ZBP1: variants seen among roughly 807,000 people sequenced by gnomAD.
The protein encoded by ZBP1 is Z-DNA binding protein 1, also known as Z-DNA-binding protein 1.
ZBP1 carries 42 observed loss-of-function variants against 41.1 expected under a neutral mutation model. The observed-to-expected ratio is 1.02, with a 90% CI of 0.80 to 1.32. ZBP1 has a LOEUF of 1.32. Among genes scored for constraint, ZBP1 ranks in the 40% most tolerant of loss-of-function variants. The pLI, the probability that ZBP1 is intolerant of heterozygous loss-of-function variation, is 0.00. For missense variants in ZBP1, 562 were observed against 549.7 expected, an observed-to-expected ratio of 1.02 and a Z score of -0.22; for synonymous variants, 214 against 205.2, an observed-to-expected ratio of 1.04 and a Z score of -0.37.
intron 7 of ZBP1, among the ~76,000 whole-genome samples, chr20:57,609,265 G>C (rs6092500): frequency 0.24 from 36,530 of 152,136 alleles, 5,328 homozygotes; most frequent in African/African-American, 0.41. Flanking sequence ...GCTCCCTTCT[G>C]CAGAGTTGGA....
chr20:57,610,498 C>T lies in ZBP1; in HGVS notation c.875-131G>A, dbSNP rs2070631993. On this transcript the variant is annotated intron_variant, in intron 6 of 7. Transcript: ENST00000371173. This position sits in a 1 kb window ranked among gnomAD's most constrained non-coding sequence, Gnocchi z 5.5. ...GGCCCACACCATCCCAGGAGCACAG[C>T]CTGTGCCTGCCCGCCACACCTCCAC... 2.3e-6 allele frequency: 2 copies of T among 874,790 alleles called. No homozygotes were observed. The highest frequency in any genetic ancestry group is 3.4e-4 in the Middle Eastern group (1 of 2,912). The allele number at this position is 874,790 out of a possible 1,614,324, so 54.2% of individuals were successfully genotyped here. A position where few individuals can be genotyped will look rare whatever the true frequency, so the allele number is the denominator to read the frequency against.
intron 3 of ZBP1, chr20:57,615,261 G>A (rs546695971): frequency 3.3e-4 from 231 of 692,096 alleles, no homozygotes; most frequent in African/African-American, 2.6e-3. Flanking sequence ...AGTGCTCTGC[G>A]CTGGGCCTGG....
intron 7 of ZBP1, among the ~76,000 whole-genome samples, chr20:57,606,370 G>A (rs1253841265): frequency 6.6e-6 from 1 of 152,242 alleles, no homozygotes; most frequent in Non-Finnish European, 1.5e-5. Flanking sequence ...GGTTCATGAG[G>A]TTTAAGGAAA....
Position 57,611,923 on chromosome 20 carries a change from G to A in ZBP1, c.678C>T (p.Ala226=), listed in dbSNP as rs113429823. Residue 226 remains alanine, a synonymous_variant, in exon 6 of 8, where the codon GCC becomes GCT. Transcript: ENST00000371173. The stretch of plus-strand genomic sequence containing the variant: ...CCATTGAAGGGAGGTGGCGTGGACC[G>A]GCGGAACCTGGCAGGGGACAGTGGC... The part of the protein sequence containing the change: ...RQTVSREDGS[A]GPRHLPSMAP... 5.9e-4 allele frequency: 922 copies of A among 1,555,606 alleles called. No individual in the cohort carries two copies. The highest frequency in any genetic ancestry group is 2.3e-3 in the African/African-American group (170 of 73,526).
chr20:57,614,935 G>A lies in ZBP1; in HGVS notation c.454C>T (p.Leu152Phe). ...TTGGACTGCTCATCCATGTCCAGAA[G>A]GTGCCTGCTCTTCATCCTGTACAAG... ...RDLYRMKSRH[L>F]LDMDEQSKAW... Residue 152 changes from leucine (L) to phenylalanine (F), a missense_variant, in exon 4 of 8, where the codon CTT becomes TTT. Coordinates refer to ENST00000371173, the MANE Select transcript of ZBP1 (RefSeq NM_030776.3). 1.9e-6 allele frequency: 3 copies of A among 1,614,214 alleles called. No homozygotes were observed. The highest frequency in any genetic ancestry group is 2.5e-6 in the Non-Finnish European group (3 of 1,180,042).
chr20:57,616,618 C>G (rs2070840655), intron 1 of ZBP1, 150 bp from the exon 2 acceptor site: 1 of 723,054 alleles, frequency 1.4e-6, no homozygotes, highest in Non-Finnish European at 2.3e-6. Flanking sequence ...CAGATGCCCC[C>G]TAAGAGCAGT....
rs372354711 is a variant in ZBP1, at chr20:57,610,327, T to G, written c.915A>C (p.Ala305=). 1 of 1,614,036 alleles carries G rather than the reference T, an allele frequency of 6.2e-7. No individual in the cohort carries two copies. The highest frequency in any genetic ancestry group is 8.5e-7 in the Non-Finnish European group (1 of 1,180,028). The change falls in exon 7 of 8, where the codon GCA becomes GCC. Residue 305 remains alanine (A), a synonymous_variant. Transcript: ENST00000371173. This position sits in a 1 kb window ranked among gnomAD's most constrained non-coding sequence, Gnocchi z 5.5. ...TAAGPEASFE[A]RIPSPGTHPE... ...GGTGAGTTCCTGGACTGGGAATTCTTGCTTCAAACGAAGCTTCTGGGCCGG... is the reference window on the plus strand; with the variant it reads ...GGTGAGTTCCTGGACTGGGAATTCTGGCTTCAAACGAAGCTTCTGGGCCGG...
rs535139746 is a variant in ZBP1, at chr20:57,614,467, G to A, written c.502+420C>T. ...TGGCCCTGTGTGTGTTAGGTCTCAC[G>A]GGGAAGCTGACCCTGCGCTGACCCT... is the stretch of plus-strand genomic sequence containing the variant. On this transcript the variant is annotated intron_variant, in intron 4 of 7. Coordinates refer to ENST00000371173, the MANE Select transcript of ZBP1 (RefSeq NM_030776.3). Among the ~76,000 whole-genome samples the A allele has an allele frequency of 2.0e-3, 299 of 152,204 alleles. 1 individual carries two copies. The highest frequency in any genetic ancestry group is 3.7e-3 in the Non-Finnish European group (251 of 68,018).
intron 2 of ZBP1, chr20:57,615,835 G>T (rs1451316220): frequency 1.1e-5 from 6 of 544,760 alleles, no homozygotes; most frequent in Non-Finnish European, 1.9e-5. Context: ...CCCCAAAACA[G>T]TGCCTGGCTA....
chr20:57,612,780 C>A, intron 5 of ZBP1: 1 of 519,114 alleles, frequency 1.9e-6, no homozygotes, highest in South Asian at 4.6e-5. Context: ...ACAATAACCT[C>A]CCCTGTAGCA....
chr20:57,615,154 T>C (rs1311194044), intron 3 of ZBP1, 94 bp from the exon 4 acceptor site: 4 of 1,378,178 alleles, frequency 2.9e-6, no homozygotes, highest in Non-Finnish European at 4.0e-6. Context: ...ACCCAGCCCC[T>C]CAAGGCCTGG....
chr20:57,614,291 A>G (rs2070757183), intron 4 of ZBP1, among the ~76,000 whole-genome samples: 1 of 152,164 alleles, frequency 6.6e-6, no homozygotes, highest in Non-Finnish European at 1.5e-5. Flanking sequence ...TCAGCCTCCC[A>G]AAGTGCTAGG....
Position 57,610,399 on chromosome 20 carries a change from A to C in ZBP1, c.875-32T>G, listed in dbSNP as rs750559698. ...GTCAAAGGGAGAGAGGCCTGGAGCC[A>C]GGAGCAGCTGGACAGTGGCCGGGAA... On this transcript the variant is annotated intron_variant, in intron 6 of 7. Transcript: ENST00000371173. This position sits in a 1 kb window ranked among gnomAD's most constrained non-coding sequence, Gnocchi z 5.5. The C allele has an allele frequency of 6.2e-7, 1 of 1,611,720 alleles. No individual in the cohort carries two copies.
intron 7 of ZBP1, chr20:57,606,989 G>T (rs1256208646): frequency 4.9e-6 from 6 of 1,213,708 alleles, no homozygotes; most frequent in Admixed American, 3.3e-5. Context: ...AATTAACATT[G>T]TTTTCATGCC....
In ZBP1 at chr20:57,611,829, G is replaced by A. The variant is rs1204752372; in HGVS notation, c.772C>T (p.Gln258Ter). 17 of 1,605,556 alleles carry A rather than the reference G, an allele frequency of 1.1e-5. No individual in the cohort carries two copies. The highest frequency in any genetic ancestry group is 1.7e-4 in the Middle Eastern group (1 of 6,054). The change falls in exon 6 of 8, where the codon CAG becomes TAG. Residue 258 changes from glutamine to a stop codon, truncating the protein, a stop_gained. Coordinates refer to ENST00000371173, the MANE Select transcript of ZBP1 (RefSeq NM_030776.3). LOFTEE classifies it high-confidence loss of function. ...PWGPQDIHME[Q>*]SILRRVQLGH... Reference sequence around the variant, plus strand: ...AGCTGCACCCGTCTCAGTATGGACTGCTCCATGTGGATGTCCTGGGGCCCC... The same window carrying A: ...AGCTGCACCCGTCTCAGTATGGACTACTCCATGTGGATGTCCTGGGGCCCC...
At position 57,614,998 on chromosome 20, in the gene ZBP1, C is replaced by T; in HGVS notation, c.391G>A (p.Ala131Thr). Residue 131 changes from alanine to threonine, a missense_variant, in exon 4 of 8, where the codon GCA becomes ACA. Physicochemically the swap from Ala to Thr is moderately conservative, Grantham distance 58. Coordinates refer to ENST00000371173, the MANE Select transcript of ZBP1 (RefSeq NM_030776.3). ...TCTTTTGCTGTCCTCATTCCCAGTG[C>T]TTGGGCGATGACCAGGGCCCTCTGG... ...GPQRALVIAQALGMRTAKDVN... is the reference protein window; with the variant it reads ...GPQRALVIAQTLGMRTAKDVN... 1 of 1,614,224 alleles carries T rather than the reference C, an allele frequency of 6.2e-7. No individual in the cohort carries two copies. The highest frequency in any genetic ancestry group is 8.5e-7 in the Non-Finnish European group (1 of 1,180,036).
chr20:57,612,469 G>A (rs1230298996), intron 5 of ZBP1, among the ~76,000 whole-genome samples: 2 of 152,220 alleles, frequency 1.3e-5, no homozygotes, highest in African/African-American at 4.8e-5. Flanking sequence ...GGGAAACCAT[G>A]ATCTAGATTC....
chr20:57,607,175 C>T (rs746135859), intron 7 of ZBP1: 1 of 1,304,148 alleles, frequency 7.7e-7, no homozygotes, highest in Non-Finnish European at 1.0e-6. Context: ...AATCTACATG[C>T]CGTTAAGAAC....
At chr20:57,615,353 AG>A (rs2070790624) in intron 3 of ZBP1, among the ~76,000 whole-genome samples, 158 bp downstream of exon 3, 1 of 152,038 alleles carries the variant, frequency 6.6e-6, no homozygotes, top group Non-Finnish European at 1.5e-5. Context: ...TCCCACTGTG[AG>A]GGCTGGGTCT....
Sources: gnomAD v4.1 joint callset for allele counts (sites outside exome capture counted in the v4.1 genomes callset) on GRCh38, gnomAD v4.1.1 for gene constraint, Gnocchi (gnomAD v3.1) non-coding constraint, MANE v1.5 for transcripts, NCBI Gene and HGNC (gene_info 2026-07-23, HGNC 2026-07-21) for gene names.